NCKAP5: variants seen among roughly 807,000 people sequenced by gnomAD.
NCKAP5 encodes NCK associated protein 5, also known as nck-associated protein 5.
NCKAP5 carries 92 observed loss-of-function variants against 167.0 expected under a neutral mutation model. The observed-to-expected ratio is 0.55, with a 90% CI of 0.47 to 0.66. The LOEUF (loss-of-function observed/expected upper bound fraction) is 0.66. Ranked by LOEUF, NCKAP5 falls within the 30% of genes least tolerant of loss-of-function variation. The pLI is 0.00. For missense variants in NCKAP5, 2,378 were observed against 2,315.0 expected, an observed-to-expected ratio of 1.03 and a Z score of -0.56; for synonymous variants, 891 against 877.4, an observed-to-expected ratio of 1.02 and a Z score of -0.27.
intron 19 of NCKAP5, among the ~76,000 whole-genome samples, chr2:132,699,474 C>A (rs71413518): frequency 1.3e-5 from 2 of 151,868 alleles, no homozygotes; most frequent in Admixed American, 6.6e-5. Flanking sequence ...TGCTATCCCT[C>A]CCCACTCCCC....
intron 16 of NCKAP5, among the ~76,000 whole-genome samples, chr2:132,742,491 C>T (rs1372483346): frequency 6.6e-6 from 1 of 151,842 alleles, no homozygotes; most frequent in Admixed American, 6.6e-5. Context: ...CCAGATCACC[C>T]TATTCATTAT....
chr2:133,137,819 C>T (rs1320294624), intron 5 of NCKAP5, among the ~76,000 whole-genome samples: 3 of 152,198 alleles, frequency 2.0e-5, no homozygotes, highest in Non-Finnish European at 4.4e-5. Context: ...CTTAGCAAAG[C>T]AATTTTACTT....
intron 3 of NCKAP5, among the ~76,000 whole-genome samples, chr2:133,483,629 G>A (rs967419143): frequency 2.1e-5 from 2 of 95,506 alleles, no homozygotes; most frequent in African/African-American, 1.1e-4. Context: ...AAAAAAAAAG[G>A]GGGGGGGGCT....
chr2:133,255,205 A>G (rs925801434), intron 4 of NCKAP5, among the ~76,000 whole-genome samples: 12 of 152,222 alleles, frequency 7.9e-5, no homozygotes, highest in Non-Finnish European at 1.6e-4. Context: ...AGAGTTCTCC[A>G]CTTCATAGTT....
chr2:132,775,381 G>A (rs567371686), intron 15 of NCKAP5, among the ~76,000 whole-genome samples: 1 of 152,286 alleles, frequency 6.6e-6, no homozygotes, highest in Non-Finnish European at 1.5e-5. Context: ...GCCAGAGATG[G>A]CAAACTCAAG....
At chr2:133,241,551 A>G (rs1374449874) in intron 4 of NCKAP5, among the ~76,000 whole-genome samples, 1 of 152,228 alleles carries the variant, frequency 6.6e-6, no homozygotes, top group Non-Finnish European at 1.5e-5. Flanking sequence ...CTGTGGTTCC[A>G]ACTGAACTTC....
intron 2 of NCKAP5, among the ~76,000 whole-genome samples, chr2:133,547,158 C>T (rs570455618): frequency 1.3e-5 from 2 of 152,192 alleles, no homozygotes; most frequent in African/African-American, 2.4e-5. Context: ...CCGAATATTG[C>T]GCTATTCGGA....
At chr2:132,739,478 A>G (rs1354329001) in intron 16 of NCKAP5, among the ~76,000 whole-genome samples, 1 of 152,200 alleles carries the variant, frequency 6.6e-6, no homozygotes, top group East Asian at 1.9e-4. Context: ...AGGGCTTTTT[A>G]GAACTATTCT....
At chr2:133,266,812 C>A (rs1393596626) in intron 4 of NCKAP5, among the ~76,000 whole-genome samples, 5 of 152,190 alleles carry the variant, frequency 3.3e-5, no homozygotes, top group Non-Finnish European at 5.9e-5. Context: ...CAGGGAGGCC[C>A]CTCGGGTGGG....
intron 5 of NCKAP5, among the ~76,000 whole-genome samples, chr2:133,189,700 T>C (rs2085119666): frequency 1.3e-5 from 2 of 152,148 alleles, no homozygotes; most frequent in African/African-American, 4.8e-5. Context: ...ATTATCTCAA[T>C]AGATGCAGAA....
intron 3 of NCKAP5, among the ~76,000 whole-genome samples, chr2:133,464,340 C>T (rs1158190396): frequency 6.6e-6 from 1 of 152,126 alleles, no homozygotes; most frequent in African/African-American, 2.4e-5. Flanking sequence ...ATAGAAATGG[C>T]ACCTATCATA....
At chr2:133,513,459 G>C (rs1683672221) in intron 3 of NCKAP5, among the ~76,000 whole-genome samples, 1 of 152,200 alleles carries the variant, frequency 6.6e-6, no homozygotes, top group Admixed American at 6.5e-5. Flanking sequence ...AGTCCATGTG[G>C]TGCATCCTCC....
At chr2:132,953,612 G>C (rs2076259170) in intron 8 of NCKAP5, among the ~76,000 whole-genome samples, 2 of 151,934 alleles carry the variant, frequency 1.3e-5, no homozygotes, top group Non-Finnish European at 2.9e-5. Context: ...TGCCAAAGGA[G>C]GGAGAGGAAG....
chr2:133,025,063 C>T (rs2078650245), intron 6 of NCKAP5, among the ~76,000 whole-genome samples: 2 of 152,104 alleles, frequency 1.3e-5, no homozygotes, highest in African/African-American at 4.8e-5. Context: ...TGAATTAGTC[C>T]AATTACCACC....
intron 3 of NCKAP5, among the ~76,000 whole-genome samples, chr2:133,341,288 T>TC (rs1683566694): frequency 6.6e-6 from 1 of 151,884 alleles, no homozygotes; most frequent in African/African-American, 2.4e-5. Flanking sequence ...GAGCAGATTT[T>TC]TTTTTTTTTT....
At chr2:133,538,938 T>TGGG (rs1319242570) in intron 2 of NCKAP5, among the ~76,000 whole-genome samples, 3 of 132,938 alleles carry the variant, frequency 2.3e-5, no homozygotes, top group African/African-American at 8.8e-5. Flanking sequence ...TGGGTTTTTT[T>TGGG]TTTTTTTTTT....
intron 6 of NCKAP5, among the ~76,000 whole-genome samples, chr2:133,002,000 G>A (rs1017673182): frequency 6.6e-6 from 1 of 152,190 alleles, no homozygotes. Flanking sequence ...ACAGGATGAT[G>A]TGTGTAGATT....
intron 3 of NCKAP5, among the ~76,000 whole-genome samples, chr2:133,474,155 T>TCTATAC (rs1553649110): frequency 0.011 from 1,617 of 142,490 alleles, 10 homozygotes; most frequent in Non-Finnish European, 0.012. Context: ...TATCTATCTA[T>TCTATAC]ACACACACAC....
At chr2:132,847,040 C>T (rs929591342) in intron 11 of NCKAP5, among the ~76,000 whole-genome samples, 4 of 152,040 alleles carry the variant, frequency 2.6e-5, no homozygotes, top group African/African-American at 9.7e-5. Context: ...ATATTGTATG[C>T]TTTCAACTGT....
Sources: allele counts gnomAD v4.1 joint callset (sites outside exome capture counted in the v4.1 genomes callset), GRCh38; gene constraint gnomAD v4.1.1; transcripts MANE v1.5; gene names NCBI Gene and HGNC (gene_info 2026-07-23, HGNC 2026-07-21).